The following BTAF1 variants were observed in gnomAD, a reference collection of about 807,000 sequenced individuals.
BTAF1 encodes TATA-binding protein-associated factor 172.
A neutral mutation model predicts 227.1 loss-of-function variants in BTAF1; 38 were observed. The ratio of observed to expected loss-of-function variants is 0.17; its 90% CI spans 0.13 to 0.22. The LOEUF is 0.22. Among genes scored for constraint, BTAF1 ranks in the 10% least tolerant of loss-of-function variants. The pLI is 1.00. For missense variants in BTAF1, 1,598 were observed against 2,204.0 expected, an observed-to-expected ratio of 0.73 and a Z score of 5.51; for synonymous variants, 742 against 751.9, an observed-to-expected ratio of 0.99 and a Z score of 0.21.
chr10:91,952,160 T>TTGTG (rs143124844), intron 5 of BTAF1, among the ~76,000 whole-genome samples: 2,071 of 148,598 alleles, frequency 0.014, 41 homozygotes, highest in African/African-American at 0.045. Context: ...GTGTGTGTGT[T>TTGTG]TGTGTGTGTG....
intron 28 of BTAF1, 37 bp downstream of exon 28, chr10:92,009,245 G>A (rs766351590): frequency 1.3e-6 from 2 of 1,584,942 alleles, no homozygotes; most frequent in Admixed American, 3.5e-5. Flanking sequence ...TATTTCATCT[G>A]TTGTCATAAT....
intron 14 of BTAF1, among the ~76,000 whole-genome samples, chr10:91,972,617 T>G (rs1196830553): frequency 1.3e-5 from 2 of 152,266 alleles, no homozygotes; most frequent in Non-Finnish European, 2.9e-5. Context: ...CCATCTCTGA[T>G]GCTTTTATCT....
chr10:92,024,811 C>T lies in BTAF1; in HGVS notation c.4919C>T (p.Ser1640Phe). The part of the protein sequence containing the change: ...NGSTSESGTE[S>F]VVAQHRILIF... ...AGCACTTCCGAGAGTGGCACAGAGT[C>T]TGTTGTGGCCCAGCACAGGATACTG... is the stretch of plus-strand genomic sequence containing the variant. The change falls in exon 35 of 38, where the codon TCT becomes TTT. Residue 1640 changes from serine to phenylalanine, a missense_variant. This residue lies in a region of BTAF1 where 205 missense variants were observed against 244.5 expected (regional missense o/e 0.84). Coordinates refer to ENST00000265990, the MANE Select transcript of BTAF1 (RefSeq NM_003972.3). 6.2e-7 allele frequency: 1 copy of T among 1,611,568 alleles called. No individual in the cohort carries two copies. The highest frequency in any genetic ancestry group is 1.7e-4 in the Middle Eastern group (1 of 6,044).
At chr10:91,927,696 G>A (rs1267530097) in intron 1 of BTAF1, among the ~76,000 whole-genome samples, 2 of 152,102 alleles carry the variant, frequency 1.3e-5, no homozygotes, top group Non-Finnish European at 2.9e-5. Context: ...GCCTCATAAA[G>A]CAAAATAATG....
rs200019501 is a variant in BTAF1 at position 91,993,855 on chromosome 10, C to T, written c.3199+8C>T. 25 of 1,563,936 alleles carry T rather than the reference C, an allele frequency of 1.6e-5. No homozygotes were observed. Among genetic ancestry groups the T allele is most frequent in the South Asian group, 2.4e-5 (2 of 81,636 alleles). ...TCGACATAAATAATTTTGGTATACA[C>T]ATATTTTTATGAGTCCAGTTTTTAA... On this transcript the variant is annotated splice_region_variant and intron_variant, in intron 22 of 37. Transcript: ENST00000265990.
At chr10:92,019,891 G>GT (rs11406652) in intron 34 of BTAF1, among the ~76,000 whole-genome samples, 113,063 of 139,404 alleles carry the variant, frequency 0.81, 45,984 homozygotes, top group East Asian at 0.97. Context: ...TGTTGTTGCT[G>GT]TTTTTTTTTT....
intron 1 of BTAF1, among the ~76,000 whole-genome samples, chr10:91,934,482 C>A (rs756086338): frequency 8.0e-4 from 122 of 152,210 alleles, no homozygotes; most frequent in Non-Finnish European, 1.5e-3. Context: ...AGTGATCCTC[C>A]CACCTCCACC....
At chr10:91,975,088 G>T (rs546227060) in intron 14 of BTAF1, among the ~76,000 whole-genome samples, 3 of 152,262 alleles carry the variant, frequency 2.0e-5, no homozygotes, top group Admixed American at 2.0e-4. Flanking sequence ...ACTGGTAACT[G>T]TTGTTGCCAG....
intron 14 of BTAF1, among the ~76,000 whole-genome samples, chr10:91,968,001 C>G (rs901622696): frequency 6.6e-6 from 1 of 152,140 alleles, no homozygotes; most frequent in Non-Finnish European, 1.5e-5. Flanking sequence ...TAACATCTTG[C>G]ATTAGTGTGG....
chr10:91,963,954 C>A (rs534526834), intron 12 of BTAF1, 123 bp from the exon 13 acceptor site: 2 of 1,033,540 alleles, frequency 1.9e-6, no homozygotes, highest in East Asian at 2.5e-5. Context: ...AAATTGACAC[C>A]GTCCAAGGTC....
chr10:92,020,398 A>G (rs1052521725), intron 34 of BTAF1, among the ~76,000 whole-genome samples: 9 of 152,208 alleles, frequency 5.9e-5, no homozygotes, highest in African/African-American at 1.7e-4. Flanking sequence ...TGTTAGCACT[A>G]TGCCATTTAG....
chr10:91,991,192 G>GCCGAGAT (rs1413738149), intron 20 of BTAF1, among the ~76,000 whole-genome samples: 1 of 149,798 alleles, frequency 6.7e-6, no homozygotes, highest in East Asian at 2.0e-4. Context: ...CTTGCAGTGA[G>GCCGAGAT]CCGAGATCGC....
chr10:91,994,939 C>T (rs192251291), intron 23 of BTAF1, among the ~76,000 whole-genome samples: 1 of 152,084 alleles, frequency 6.6e-6, no homozygotes. Context: ...AAACTGCAGC[C>T]CTGTTCATCC....
chr10:92,009,437 C>T (rs1194628208), intron 28 of BTAF1, among the ~76,000 whole-genome samples: 1 of 152,210 alleles, frequency 6.6e-6, no homozygotes, highest in Non-Finnish European at 1.5e-5. Flanking sequence ...AGCTGGAGAA[C>T]TATCAGGAAC....
intron 25 of BTAF1, among the ~76,000 whole-genome samples, chr10:91,999,136 G>T (rs1247476772): frequency 6.6e-6 from 1 of 150,858 alleles, no homozygotes; most frequent in Non-Finnish European, 1.5e-5. Context: ...GTGGATGTGT[G>T]TTTTTATTTC....
At chr10:91,946,420 A>G (rs188808620) in intron 4 of BTAF1, among the ~76,000 whole-genome samples, 322 of 152,368 alleles carry the variant, frequency 2.1e-3, no homozygotes, top group African/African-American at 7.4e-3. Context: ...TTGTTTGGAC[A>G]TATGTTTTAA....
chr10:91,981,753 C>T lies in BTAF1; in HGVS notation c.1866C>T (p.Ile622=), dbSNP rs376665459. 27 of 1,613,426 alleles carry T rather than the reference C, an allele frequency of 1.7e-5. No homozygotes were observed. The highest frequency in any genetic ancestry group is 4.5e-5 in the East Asian group (2 of 44,866). Residue 622 remains isoleucine, a synonymous_variant, in exon 16 of 38, where the codon ATC becomes ATT. Coordinates refer to ENST00000265990, the MANE Select transcript of BTAF1 (RefSeq NM_003972.3). ...CLMMQPSHLP[I]DLNMLLEVKA... is the part of the protein sequence containing the mutation. Reference sequence around the variant, plus strand: ...TGATGCAGCCTTCTCATTTACCTATCGATTTAAATATGTTGCTAGAAGTAA... The same window carrying T: ...TGATGCAGCCTTCTCATTTACCTATTGATTTAAATATGTTGCTAGAAGTAA...
intron 4 of BTAF1, 123 bp from the exon 5 acceptor site, chr10:91,951,280 T>C (rs1439337511): frequency 1.1e-6 from 1 of 926,250 alleles, no homozygotes; most frequent in Non-Finnish European, 1.6e-6. Context: ...TGAATGAATA[T>C]GGTTGGTTTT....
At chr10:92,014,060 G>A (rs11819183) in intron 32 of BTAF1, 31 bp downstream of exon 32, 8 of 1,593,304 alleles carry the variant, frequency 5.0e-6, no homozygotes, top group East Asian at 4.5e-5. Flanking sequence ...CATTGTTAGT[G>A]GTATGTTTAT....
Sources: allele counts gnomAD v4.1 joint callset (sites outside exome capture counted in the v4.1 genomes callset), GRCh38; gene constraint gnomAD v4.1.1; regional missense constraint gnomAD v4.1.1; transcripts MANE v1.5; gene names NCBI Gene and HGNC (gene_info 2026-07-23, HGNC 2026-07-21).